Variants in HAPLN1 observed in about 807,000 individuals in gnomAD.
The protein encoded by HAPLN1 is hyaluronan and proteoglycan link protein 1.
Under a neutral mutation model 36.5 loss-of-function variants are expected in HAPLN1, and 13 were observed. That is an observed-to-expected ratio of 0.36 (90% CI 0.23 to 0.57). HAPLN1 has a LOEUF of 0.57. Among genes scored for constraint, HAPLN1 ranks in the 20% least tolerant of loss-of-function variants. The pLI, the probability that HAPLN1 is intolerant of heterozygous loss-of-function variation, is 0.83. For synonymous variants in HAPLN1, 202 were observed against 169.8 expected, an observed-to-expected ratio of 1.19 and a Z score of -1.48; for missense variants, 407 against 439.7, an observed-to-expected ratio of 0.93 and a Z score of 0.66.
chr5:83,641,675 A>G lies in HAPLN1; in HGVS notation c.886T>C (p.Trp296Arg). The change falls in exon 5 of 5, where the codon TGG becomes CGG. Residue 296 changes from tryptophan (W) to arginine (R), a missense_variant. Physicochemically the swap from Trp to Arg is moderately radical, Grantham distance 101. Coordinates refer to ENST00000274341, the MANE Select transcript of HAPLN1 (RefSeq NM_001884.4). Reference protein sequence around the residue: ...IAKVGQIFAAWKILGYDRCDA... With the variant: ...IAKVGQIFAARKILGYDRCDA... ...CAGCGGTCATATCCGAGAATTTTCC[A>G]GGCAGCAAATATCTGGCCCACTTTT... 1.2e-6 allele frequency: 2 copies of G among 1,614,238 alleles called. No homozygotes were observed. Among genetic ancestry groups the G allele is most frequent in the Non-Finnish European group, 1.7e-6 (2 of 1,180,046 alleles).
At chr5:83,688,187 T>C (rs1751178198) in intron 1 of HAPLN1, among the ~76,000 whole-genome samples, 1 of 152,198 alleles carries the variant, frequency 6.6e-6, no homozygotes, top group Non-Finnish European at 1.5e-5. Flanking sequence ...AGTCTTCTGA[T>C]ACTCTCTTGC....
chr5:83,655,704 T>A (rs1015804971), intron 2 of HAPLN1, among the ~76,000 whole-genome samples: 2 of 152,178 alleles, frequency 1.3e-5, no homozygotes, highest in Non-Finnish European at 2.9e-5. Context: ...TTTTAGAAGA[T>A]CTACACTTCA....
intron 2 of HAPLN1, among the ~76,000 whole-genome samples, chr5:83,659,966 C>T (rs780877793): frequency 9.2e-5 from 14 of 151,992 alleles, no homozygotes; most frequent in Non-Finnish European, 1.6e-4. Flanking sequence ...TCACAGGCTA[C>T]GAGATTGTAC....
intron 1 of HAPLN1, among the ~76,000 whole-genome samples, chr5:83,701,269 T>C (rs900071512): frequency 6.6e-6 from 1 of 152,254 alleles, no homozygotes; most frequent in Non-Finnish European, 1.5e-5. Context: ...GCTATTAAAC[T>C]TATTTCGTGT....
intron 1 of HAPLN1, among the ~76,000 whole-genome samples, chr5:83,707,153 A>G (rs1751672379): frequency 1.3e-5 from 2 of 152,180 alleles, no homozygotes; most frequent in African/African-American, 4.8e-5. Flanking sequence ...AAATGACCAT[A>G]CTGCCCAAAG....
chr5:83,687,656 T>A (rs1298725407), intron 1 of HAPLN1, among the ~76,000 whole-genome samples: 2 of 152,218 alleles, frequency 1.3e-5, no homozygotes, highest in African/African-American at 4.8e-5. Flanking sequence ...GTATTATTAA[T>A]CCTTGTATCT....
At chr5:83,681,818 C>T (rs756893127) in intron 1 of HAPLN1, among the ~76,000 whole-genome samples, 15 of 152,174 alleles carry the variant, frequency 9.9e-5, no homozygotes, top group African/African-American at 1.7e-4. Flanking sequence ...ATTGGTCAGG[C>T]GTGGTGGAGG....
chr5:83,690,036 T>C (rs7707312), intron 1 of HAPLN1, among the ~76,000 whole-genome samples: 40,604 of 151,950 alleles, frequency 0.27, 6,030 homozygotes, highest in Non-Finnish European at 0.34. Context: ...TTCAAAGAGC[T>C]ATTTTCTGGA....
At chr5:83,692,740 TG>T (rs1220148134) in intron 1 of HAPLN1, among the ~76,000 whole-genome samples, 1 of 151,938 alleles carries the variant, frequency 6.6e-6, no homozygotes, top group African/African-American at 2.4e-5. Context: ...ATTATGTAAA[TG>T]TTTTTCAAAG....
intron 2 of HAPLN1, among the ~76,000 whole-genome samples, chr5:83,673,162 C>T (rs1750771789): frequency 6.6e-6 from 1 of 152,146 alleles, no homozygotes; most frequent in African/African-American, 2.4e-5. Flanking sequence ...AAGATAGCAA[C>T]TGCACTTAAC....
Position 83,720,769 on chromosome 5 carries a change from A to C in HAPLN1, c.-27+20T>G, listed in dbSNP as rs1752000133. 6.6e-6 allele frequency: 1 copy of C among 152,208 alleles called. No individual in the cohort carries two copies. The highest frequency in any genetic ancestry group is 2.4e-5 in the African/African-American group (1 of 41,452). The allele number at this position is 152,208 out of a possible 1,614,324, so 9.4% of individuals were successfully genotyped here. A position where few individuals can be genotyped will look rare whatever the true frequency, so the allele number is the denominator to read the frequency against. ...ACAAAGGTATAACCAAAAGAGGGGG[A>C]AACAATTTGCAAGTTTTACCTTGTC... On this transcript the variant is annotated intron_variant, in intron 1 of 4. Coordinates refer to ENST00000274341, the MANE Select transcript of HAPLN1 (RefSeq NM_001884.4).
At chr5:83,683,994 G>A (rs1360167802) in intron 1 of HAPLN1, among the ~76,000 whole-genome samples, 1 of 152,118 alleles carries the variant, frequency 6.6e-6, no homozygotes, top group Non-Finnish European at 1.5e-5. Flanking sequence ...ACTGCGGGGA[G>A]GAGGAGGGGG....
intron 1 of HAPLN1, among the ~76,000 whole-genome samples, chr5:83,692,987 C>T (rs1751315170): frequency 6.6e-6 from 1 of 151,794 alleles, no homozygotes; most frequent in Admixed American, 6.6e-5. Context: ...GTGGATAGTA[C>T]CAAATCTTAC....
chr5:83,695,128 T>A (rs1305221316), intron 1 of HAPLN1, among the ~76,000 whole-genome samples: 1 of 152,154 alleles, frequency 6.6e-6, no homozygotes, highest in African/African-American at 2.4e-5. Context: ...TGTAATTCAT[T>A]ATACATATAT....
chr5:83,665,551 A>T (rs1285969555), intron 2 of HAPLN1, among the ~76,000 whole-genome samples: 4 of 152,144 alleles, frequency 2.6e-5, no homozygotes, highest in Non-Finnish European at 5.9e-5. Context: ...TTAAACTTTC[A>T]ATCCCTCTTT....
Position 83,656,619 on chromosome 5 carries a change from G to C in HAPLN1, c.101-3795C>G, listed in dbSNP as rs573898723. 3.3e-5 allele frequency among the ~76,000 whole-genome samples: 5 copies of C among 152,146 alleles called. No individual in the cohort carries two copies. In the East Asian group the frequency reaches 9.7e-4, roughly 29 times the overall value. On this transcript the variant is annotated intron_variant, in intron 2 of 4. Coordinates refer to ENST00000274341, the MANE Select transcript of HAPLN1 (RefSeq NM_001884.4). The stretch of plus-strand genomic sequence containing the variant: ...GGGAAATTGAAGATGTCCAGTGGGG[G>C]ACTGAAATTTTTTAAAGTGCAATTT...
At chr5:83,705,398 A>G (rs1280689879) in intron 1 of HAPLN1, among the ~76,000 whole-genome samples, 3 of 151,546 alleles carry the variant, frequency 2.0e-5, no homozygotes, top group Non-Finnish European at 4.4e-5. Flanking sequence ...AAAAAAAAAA[A>G]AAAAAAAAAA....
chr5:83,640,313 C>A lies in HAPLN1; in HGVS notation c.*1183G>T, dbSNP rs1469435735. On this transcript the variant is annotated 3_prime_UTR_variant, in exon 5 of 5. Transcript: ENST00000274341. The stretch of plus-strand genomic sequence containing the variant: ...TTTAGTGTAAACTCTTTGATGACAG[C>A]TTCAGCATTTAATTTAAGCCTAATG... 2 of 152,092 alleles carry A rather than the reference C, an allele frequency of 1.3e-5. No individual in the cohort carries two copies. The highest frequency in any genetic ancestry group is 1.9e-4 in the East Asian group (1 of 5,198). 9.4% of individuals were successfully genotyped at this position (152,092 alleles called of 1,614,324 possible). A position where few individuals can be genotyped will look rare whatever the true frequency, so the allele number is the denominator to read the frequency against.
intron 1 of HAPLN1, among the ~76,000 whole-genome samples, chr5:83,693,010 T>A (rs750821035): frequency 7.9e-5 from 12 of 151,912 alleles, no homozygotes; most frequent in Non-Finnish European, 1.5e-4. Flanking sequence ...ATGTTGTGTT[T>A]TTTCCTCTGC....
Sources: gnomAD v4.1 joint callset for allele counts (sites outside exome capture counted in the v4.1 genomes callset) on GRCh38, gnomAD v4.1.1 for gene constraint, MANE v1.5 for transcripts, NCBI Gene and HGNC (gene_info 2026-07-23, HGNC 2026-07-21) for gene names.